DYNC1I1: variants seen among roughly 807,000 people sequenced by gnomAD.
DYNC1I1 encodes dynein cytoplasmic 1 intermediate chain 1.
DYNC1I1 carries 43 observed loss-of-function variants against 86.6 expected under a neutral mutation model. The observed-to-expected ratio is 0.50, with a 90% CI of 0.39 to 0.64. The LOEUF is 0.64. DYNC1I1 is among the 30% of genes least tolerant of loss of function. The probability of loss-of-function intolerance (pLI) is 0.00; values close to 1 mark genes in which losing one functional copy is unlikely to be tolerated. For missense variants in DYNC1I1, 604 were observed against 788.8 expected (o/e 0.77, Z 2.81); for synonymous variants, 262 against 283.7 (o/e 0.92, Z 0.77).
At chr7:96,048,868 A>G (rs535579549) in intron 14 of DYNC1I1, among the ~76,000 whole-genome samples, 51 of 152,338 alleles carry the variant, frequency 3.3e-4, no homozygotes, top group Non-Finnish European at 1.5e-5. Context: ...TGTCCTAAAC[A>G]GTTACGCTTG....
At chr7:95,901,477 A>G (rs1658295672) in intron 6 of DYNC1I1, among the ~76,000 whole-genome samples, 1 of 152,232 alleles carries the variant, frequency 6.6e-6, no homozygotes, top group Non-Finnish European at 1.5e-5. Flanking sequence ...TGTACACCAA[A>G]TATCTTTTCC....
In DYNC1I1 at chr7:95,869,903, G is replaced by A. The variant is rs1449377026; in HGVS notation, c.395G>A (p.Gly132Asp). The A allele has an allele frequency of 6.2e-7, 1 of 1,614,048 alleles. No homozygotes were observed. Among genetic ancestry groups the A allele is most frequent in the Non-Finnish European group, 8.5e-7 (1 of 1,179,962 alleles). Residue 132 changes from glycine to aspartate, a missense_variant, in exon 6 of 17, where the codon GGC becomes GAC. Gly to Asp is a moderately conservative substitution (Grantham distance 94). Coordinates refer to ENST00000447467, the MANE Select transcript of DYNC1I1 (RefSeq NM_001135556.2). ...TACAGAAGAAGACTGCATAAACTGG[G>A]CGTGTCAAAGGTCACCCAAGTGGAT... ...SELGRRLHKL[G>D]VSKVTQVDFL...
At chr7:96,019,740 CAT>C (rs953711114) in intron 10 of DYNC1I1, among the ~76,000 whole-genome samples, 3 of 152,116 alleles carry the variant, frequency 2.0e-5, no homozygotes, top group Non-Finnish European at 2.9e-5. Flanking sequence ...GATGTAGTAA[CAT>C]GTGTTACTAG....
intron 5 of DYNC1I1, among the ~76,000 whole-genome samples, chr7:95,836,007 C>T (rs1162398473): frequency 6.6e-6 from 1 of 152,122 alleles, no homozygotes; most frequent in Non-Finnish European, 1.5e-5. Context: ...GAATTTGATC[C>T]TGTCATGATG....
At chr7:95,909,184 GAA>G (rs532285698) in intron 6 of DYNC1I1, among the ~76,000 whole-genome samples, 4 of 93,620 alleles carry the variant, frequency 4.3e-5, no homozygotes, top group African/African-American at 8.3e-5. Flanking sequence ...TGAGACAGCA[GAA>G]AAAAAAAAAA....
chr7:95,899,386 T>A (rs1282943393), intron 6 of DYNC1I1, among the ~76,000 whole-genome samples: 1 of 152,180 alleles, frequency 6.6e-6, no homozygotes, highest in Non-Finnish European at 1.5e-5. Flanking sequence ...CCATGGGCCA[T>A]GAAATCTGAA....
At chr7:96,020,823 G>T (rs190446080) in intron 10 of DYNC1I1, among the ~76,000 whole-genome samples, 58 of 152,262 alleles carry the variant, frequency 3.8e-4, no homozygotes, top group Non-Finnish European at 6.9e-4. Context: ...AAAAAGGAAA[G>T]AAATTTTGAC....
intron 3 of DYNC1I1, among the ~76,000 whole-genome samples, chr7:95,811,586 A>G (rs1380886089): frequency 6.6e-6 from 1 of 152,134 alleles, no homozygotes; most frequent in Non-Finnish European, 1.5e-5. Flanking sequence ...ATACACACAA[A>G]ACTAAAACAC....
At chr7:95,843,537 A>G (rs1789346024) in intron 5 of DYNC1I1, among the ~76,000 whole-genome samples, 1 of 152,146 alleles carries the variant, frequency 6.6e-6, no homozygotes, top group Non-Finnish European at 1.5e-5. Flanking sequence ...TGTTTTATTC[A>G]GCATTACATA....
At chr7:96,020,942 C>T (rs1794533193) in intron 10 of DYNC1I1, among the ~76,000 whole-genome samples, 1 of 151,794 alleles carries the variant, frequency 6.6e-6, no homozygotes, top group Non-Finnish European at 1.5e-5. Context: ...CTCAAGTAGT[C>T]AAATTTGTAG....
At position 95,986,023 on chromosome 7, in the gene DYNC1I1, C is replaced by CGTTTGTGTGTGT. The variant is rs1554426354; in HGVS notation, c.744-1031_744-1030insTTGTGTGTGTGT. ...GTATTATCCTAGGCTCCTGGCAGGA[C>CGTTTGTGTGTGT]GTGTGTGTGTGTGTGTGTGTGTGTG... is the stretch of plus-strand genomic sequence containing the variant. On this transcript the variant is annotated intron_variant, in intron 8 of 16. Coordinates refer to ENST00000447467, the MANE Select transcript of DYNC1I1 (RefSeq NM_001135556.2). Among the ~76,000 whole-genome samples, 33 of 132,744 alleles carry CGTTTGTGTGTGT rather than the reference C, an allele frequency of 2.5e-4. No individual in the cohort carries two copies. The Admixed American group carries it at 2.5e-3, about 10-fold the overall frequency. 87.1% of individuals were successfully genotyped at this position (132,744 alleles called of 152,430 possible). A position where few individuals can be genotyped will look rare whatever the true frequency, so the allele number is the denominator to read the frequency against.
intron 1 of DYNC1I1, among the ~76,000 whole-genome samples, chr7:95,800,541 G>A (rs1343872762): frequency 2.0e-5 from 3 of 152,146 alleles, no homozygotes; most frequent in African/African-American, 4.8e-5. Flanking sequence ...CTGAGCAGGA[G>A]GTGCAAAAGT....
chr7:96,080,228 C>A lies in DYNC1I1; in HGVS notation c.1651-135C>A, dbSNP rs189040266. 2.8e-5 allele frequency: 32 copies of A among 1,133,712 alleles called. No homozygotes were observed. In the African/African-American group the frequency reaches 4.0e-4, roughly 14 times the overall value. 70.2% of individuals were successfully genotyped at this position (1,133,712 alleles called of 1,614,324 possible). The stretch of plus-strand genomic sequence containing the variant: ...AAGAACAATGAGCCCTTTTTCCCCC[C>A]GGCACAAGGGATGTGTATTACTTAA... On this transcript the variant is annotated intron_variant, in intron 15 of 16. Transcript: ENST00000447467.
chr7:95,934,581 A>G (rs1562948471), intron 6 of DYNC1I1, among the ~76,000 whole-genome samples: 1 of 152,130 alleles, frequency 6.6e-6, no homozygotes, highest in Non-Finnish European at 1.5e-5. Context: ...ATGAACAGAG[A>G]ATGAAGGCAA....
chr7:95,791,940 T>C (rs1177513748), intron 1 of DYNC1I1, among the ~76,000 whole-genome samples: 2 of 152,162 alleles, frequency 1.3e-5, no homozygotes, highest in Non-Finnish European at 2.9e-5. Flanking sequence ...TGAGGAAAAA[T>C]TTCTCTGATT....
chr7:95,831,538 G>A (rs1788903838), intron 5 of DYNC1I1, among the ~76,000 whole-genome samples: 1 of 152,150 alleles, frequency 6.6e-6, no homozygotes, highest in Non-Finnish European at 1.5e-5. Flanking sequence ...AAAAGGGACT[G>A]TTAGATAATA....
intron 6 of DYNC1I1, among the ~76,000 whole-genome samples, 181 bp from the exon 7 acceptor site, chr7:95,977,331 T>A (rs1793331505): frequency 6.6e-6 from 1 of 152,188 alleles, no homozygotes; most frequent in Non-Finnish European, 1.5e-5. Flanking sequence ...GAGGCCCCTT[T>A]TGGAGATAAT....
At chr7:95,943,372 G>A (rs1254785652) in intron 6 of DYNC1I1, among the ~76,000 whole-genome samples, 1 of 151,912 alleles carries the variant, frequency 6.6e-6, no homozygotes, top group Admixed American at 6.6e-5. Flanking sequence ...TGAAATAAAA[G>A]AGGATAGAAA....
At chr7:96,097,148 G>A (rs556473732) in intron 16 of DYNC1I1, among the ~76,000 whole-genome samples, 9 of 152,118 alleles carry the variant, frequency 5.9e-5, no homozygotes, top group African/African-American at 1.4e-4. Context: ...TTTTATTTGC[G>A]TGTTCACTGT....
Sources: gnomAD v4.1 joint callset for allele counts (sites outside exome capture counted in the v4.1 genomes callset) on GRCh38, gnomAD v4.1.1 for gene constraint, MANE v1.5 for transcripts, NCBI Gene and HGNC (gene_info 2026-07-23, HGNC 2026-07-21) for gene names.